Variants in GALNT18 observed in about 807,000 individuals in gnomAD.
GALNT18 encodes the protein GalNAc-transferase 18.
A neutral mutation model predicts 69.5 loss-of-function variants in GALNT18; 44 were observed. The ratio of observed to expected loss-of-function variants is 0.63; its 90% CI spans 0.50 to 0.81. The LOEUF is 0.81. Ranked by LOEUF, GALNT18 falls within the 40% of genes least tolerant of loss-of-function variation. The probability of loss-of-function intolerance (pLI) is 0.00; values close to 1 mark genes in which losing one functional copy is unlikely to be tolerated. For missense variants in GALNT18, 715 were observed against 810.0 expected (o/e 0.88, Z 1.42); for synonymous variants, 364 against 318.2 (o/e 1.14, Z -1.53).
intron 1 of GALNT18, among the ~76,000 whole-genome samples, chr11:11,515,857 G>T (rs962955210): frequency 4.6e-5 from 7 of 152,200 alleles, no homozygotes; most frequent in Non-Finnish European, 8.8e-5. Context: ...AGGTAGCACG[G>T]CCCCATGAGG....
intron 6 of GALNT18, among the ~76,000 whole-genome samples, chr11:11,342,800 C>T (rs1011136387): frequency 6.6e-6 from 1 of 152,190 alleles, no homozygotes; most frequent in African/African-American, 2.4e-5. Flanking sequence ...TACTATGTGA[C>T]CTTGGGCAAG....
chr11:11,317,277 GCA>G (rs1234413765), intron 9 of GALNT18, among the ~76,000 whole-genome samples: 2 of 152,194 alleles, frequency 1.3e-5, no homozygotes, highest in African/African-American at 2.4e-5. Context: ...TGGCACTGAA[GCA>G]CAGTCTCTCA....
intron 1 of GALNT18, among the ~76,000 whole-genome samples, chr11:11,612,717 C>G (rs1017525899): frequency 6.6e-6 from 1 of 152,240 alleles, no homozygotes; most frequent in African/African-American, 2.4e-5. Flanking sequence ...TCAGGGAACT[C>G]TGCTCTGAGA....
chr11:11,485,359 G>A (rs1316721375), intron 1 of GALNT18, among the ~76,000 whole-genome samples: 5 of 152,158 alleles, frequency 3.3e-5, no homozygotes, highest in South Asian at 4.2e-4. Context: ...CCCCCTCCTC[G>A]GTGTGATTAA....
chr11:11,585,075 CTGCCTAACTCTG>C (rs1368827189), intron 1 of GALNT18, among the ~76,000 whole-genome samples: 1 of 152,168 alleles, frequency 6.6e-6, no homozygotes, highest in Non-Finnish European at 1.5e-5. Context: ...TTTAGAAGAT[CTGCCTAACTCTG>C]TGAGCTTATC....
Position 11,500,112 on chromosome 11 carries a change from C to T in GALNT18, c.236-51176G>A, listed in dbSNP as rs1006836226. Among the ~76,000 whole-genome samples, 10 of 152,178 alleles carry T rather than the reference C, an allele frequency of 6.6e-5. No individual in the cohort carries two copies. Among genetic ancestry groups the T allele is most frequent in the African/African-American group, 2.4e-4 (10 of 41,438 alleles). Reference sequence around the variant, plus strand: ...ATCTTCCCACATTTAATATTCTCATCCCATTTCCTTCTACGAAAAGACTTA... The same window carrying T: ...ATCTTCCCACATTTAATATTCTCATTCCATTTCCTTCTACGAAAAGACTTA... On this transcript the variant is annotated intron_variant, in intron 1 of 10. Transcript: ENST00000227756. This position sits in a 1 kb window ranked among gnomAD's most constrained non-coding sequence, Gnocchi z 5.0.
intron 7 of GALNT18, among the ~76,000 whole-genome samples, chr11:11,334,370 G>A (rs1267029834): frequency 1.3e-5 from 2 of 151,884 alleles, no homozygotes; most frequent in Non-Finnish European, 2.9e-5. Context: ...GTGAAACCCC[G>A]TCTCTACTAA....
intron 6 of GALNT18, among the ~76,000 whole-genome samples, chr11:11,364,363 A>C (rs1210825994): frequency 6.6e-6 from 1 of 152,240 alleles, no homozygotes; most frequent in African/African-American, 2.4e-5. Flanking sequence ...AGGAACACAC[A>C]TACTGTCTAT....
rs905186923 is a variant in GALNT18 at position 11,603,742 on chromosome 11, A to G, written c.235+17617T>C. Among the ~76,000 whole-genome samples, 3 of 152,206 alleles carry G rather than the reference A, an allele frequency of 2.0e-5. No individual in the cohort carries two copies. Among genetic ancestry groups the G allele is most frequent in the Admixed American group, 6.5e-5 (1 of 15,284 alleles). On this transcript the variant is annotated intron_variant, in intron 1 of 10. Coordinates refer to ENST00000227756, the MANE Select transcript of GALNT18 (RefSeq NM_198516.3). The surrounding 1 kb of genome is among the most constrained non-coding windows in gnomAD (Gnocchi z 4.5). ...TGGCTAGCTGGGGACTGCATGGACT[A>G]AGGTCTCCCAAGAGGGGAAAAGGGG...
chr11:11,596,577 C>T lies in GALNT18; in HGVS notation c.235+24782G>A, dbSNP rs117505544. Among the ~76,000 whole-genome samples the T allele has an allele frequency of 0.011, 1,644 of 152,190 alleles. 14 individuals are homozygous for T. The highest frequency in any genetic ancestry group is 0.037 in the South Asian group (180 of 4,812). On this transcript the variant is annotated intron_variant, in intron 1 of 10. Coordinates refer to ENST00000227756, the MANE Select transcript of GALNT18 (RefSeq NM_198516.3). This position sits in a 1 kb window ranked among gnomAD's most constrained non-coding sequence, Gnocchi z 4.2. ...AGTTTTCAGAGTATGAGTTTCTGCACTTTTTTCTTAATTTCTTCCTAAGCA... is the reference window on the plus strand; with the variant it reads ...AGTTTTCAGAGTATGAGTTTCTGCATTTTTTTCTTAATTTCTTCCTAAGCA...
chr11:11,301,247 T>A (rs1262661594), intron 9 of GALNT18, among the ~76,000 whole-genome samples: 1 of 152,144 alleles, frequency 6.6e-6, no homozygotes, highest in Non-Finnish European at 1.5e-5. Flanking sequence ...AAGGGAGCCT[T>A]GCTTTATTAA....
At chr11:11,609,728 C>A (rs1172958448) in intron 1 of GALNT18, among the ~76,000 whole-genome samples, 2 of 152,214 alleles carry the variant, frequency 1.3e-5, no homozygotes, top group African/African-American at 4.8e-5. Context: ...CCACAATAAA[C>A]AATGCCAGCC....
chr11:11,279,060 G>A (rs532414542), intron 10 of GALNT18, among the ~76,000 whole-genome samples: 42 of 152,250 alleles, frequency 2.8e-4, no homozygotes, highest in Admixed American at 1.0e-3. Flanking sequence ...CCCTCATGAC[G>A]GGCTTGGGCC....
rs971141464 is a variant in GALNT18 at position 11,413,729 on chromosome 11, G to A, written c.595+18892C>T. ...GGCCCTGGTTCTTTGAAGCCTTGCT[G>A]TGTTATAACTAGGGTATTTCACCAT... On this transcript the variant is annotated intron_variant, in intron 3 of 10. Coordinates refer to ENST00000227756, the MANE Select transcript of GALNT18 (RefSeq NM_198516.3). This position sits in a 1 kb window ranked among gnomAD's most constrained non-coding sequence, Gnocchi z 4.7. 1.3e-5 allele frequency among the ~76,000 whole-genome samples: 2 copies of A among 152,174 alleles called. No individual in the cohort carries two copies. The highest frequency in any genetic ancestry group is 4.8e-5 in the African/African-American group (2 of 41,444).
intron 6 of GALNT18, among the ~76,000 whole-genome samples, chr11:11,354,195 G>C (rs778142827): frequency 6.6e-6 from 1 of 152,156 alleles, no homozygotes; most frequent in African/African-American, 2.4e-5. Flanking sequence ...GAAAGTCACC[G>C]ATAGCAAACT....
rs1159601662 is a variant in GALNT18 at position 11,358,855 on chromosome 11, A to ACACACACACACACACACACG, written c.1092+13659_1092+13660insCGTGTGTGTGTGTGTGTGTG. ...CACACACACACACACACACACACAC[A>ACACACACACACACACACACG]CACACACGCACAGACATGTTATCCC... On this transcript the variant is annotated intron_variant, in intron 6 of 10. Coordinates refer to ENST00000227756, the MANE Select transcript of GALNT18 (RefSeq NM_198516.3). Among the ~76,000 whole-genome samples, 3 of 131,112 alleles carry ACACACACACACACACACACG rather than the reference A, an allele frequency of 2.3e-5. 1 individual carries two copies. Among genetic ancestry groups the ACACACACACACACACACACG allele is most frequent in the Non-Finnish European group, 5.0e-5 (3 of 59,424 alleles). 86.0% of individuals were successfully genotyped at this position (131,112 alleles called of 152,430 possible). A position where few individuals can be genotyped will look rare whatever the true frequency, so the allele number is the denominator to read the frequency against.
intron 1 of GALNT18, among the ~76,000 whole-genome samples, chr11:11,577,171 C>A (rs1253359963): frequency 6.6e-6 from 1 of 152,224 alleles, no homozygotes; most frequent in African/African-American, 2.4e-5. Context: ...GTATGTGCTG[C>A]ATTCAGCAAG....
intron 8 of GALNT18, among the ~76,000 whole-genome samples, chr11:11,329,502 T>C (rs1366673521): frequency 6.6e-6 from 1 of 152,212 alleles, no homozygotes; most frequent in Non-Finnish European, 1.5e-5. Context: ...TGGCCTCCTC[T>C]TTGCCTCTTC....
chr11:11,551,523 G>A (rs1858190443), intron 1 of GALNT18, among the ~76,000 whole-genome samples: 1 of 152,132 alleles, frequency 6.6e-6, no homozygotes, highest in Non-Finnish European at 1.5e-5. Context: ...GAAATCAAGG[G>A]TGCAGTGGCC....
Sources: gnomAD v4.1 joint callset for allele counts (sites outside exome capture counted in the v4.1 genomes callset) on GRCh38, gnomAD v4.1.1 for gene constraint, Gnocchi (gnomAD v3.1) non-coding constraint, MANE v1.5 for transcripts, NCBI Gene and HGNC (gene_info 2026-07-23, HGNC 2026-07-21) for gene names.